TPCN1: variants seen among roughly 807,000 people sequenced by gnomAD.
TPCN1 encodes two pore segment channel 1.
TPCN1 carries 52 observed loss-of-function variants against 108.8 expected under a neutral mutation model. That is an observed-to-expected ratio of 0.48 (90% CI 0.38 to 0.60). The LOEUF is 0.60. Among genes scored for constraint, TPCN1 ranks in the 20% least tolerant of loss-of-function variants. The pLI is 0.00. For synonymous variants in TPCN1, 446 were observed against 433.7 expected, an observed-to-expected ratio of 1.03 and a Z score of -0.35; for missense variants, 806 against 1,072.8, an observed-to-expected ratio of 0.75 and a Z score of 3.47.
rs950471784 is a variant in TPCN1, at chr12:113,272,723, CT to C, written c.783+35del. ...TAATCAGCACATTTGTCCGTCTCTT[CT>C]TTTATGGAGGGCTTTTCCCTCAGAC... On this transcript the variant is annotated intron_variant, in intron 8 of 27. Transcript: ENST00000335509. The surrounding 1 kb of genome is among the most constrained non-coding windows in gnomAD (Gnocchi z 4.1). 5.0e-6 allele frequency: 8 copies of C among 1,608,424 alleles called. No individual in the cohort carries two copies. In the African/African-American group the frequency reaches 1.1e-4, roughly 21 times the overall value.
chr12:113,296,108 A>G lies in TPCN1; in HGVS notation c.*32A>G, dbSNP rs751143678. ...GCCCGAAAGCCGTCTCTTCTATGCA[A>G]TAACACAATAGTATTACTCTACTGC... On this transcript the variant is annotated 3_prime_UTR_variant, in exon 28 of 28. Transcript: ENST00000335509. The G allele has an allele frequency of 8.7e-6, 14 of 1,608,936 alleles. No homozygotes were observed. The highest frequency in any genetic ancestry group is 2.7e-5 in the African/African-American group (2 of 74,992).
At position 113,231,054 on chromosome 12, in the gene TPCN1, T is replaced by C. The variant is rs986112741; in HGVS notation, c.112+4090T>C. On this transcript the variant is annotated intron_variant, in intron 2 of 27. Transcript: ENST00000335509. This position sits in a 1 kb window ranked among gnomAD's most constrained non-coding sequence, Gnocchi z 4.3. ...GTTGGCAGAATGCAGATGCAGGCCA[T>C]CCGCGGAGTTGGCAACGACATGAGC... is the stretch of plus-strand genomic sequence containing the variant. Among the ~76,000 whole-genome samples, 1 of 152,192 alleles carries C rather than the reference T, an allele frequency of 6.6e-6. No homozygotes were observed. Among genetic ancestry groups the C allele is most frequent in the Non-Finnish European group, 1.5e-5 (1 of 68,030 alleles).
At chr12:113,252,590 C>G (rs1954683535) in intron 2 of TPCN1, among the ~76,000 whole-genome samples, 4 of 152,348 alleles carry the variant, frequency 2.6e-5, no homozygotes, top group African/African-American at 9.6e-5. Context: ...CAGCTGCCTG[C>G]TCCGCTCCAT....
intron 26 of TPCN1, 96 bp downstream of exon 26, chr12:113,293,169 A>C: frequency 1.2e-6 from 2 of 1,603,194 alleles, no homozygotes; most frequent in Admixed American, 3.4e-5. Flanking sequence ...TTTGAGTGAC[A>C]CAGTTGCAAA....
chr12:113,267,679 G>A (rs988102799), intron 4 of TPCN1, among the ~76,000 whole-genome samples, 164 bp from the exon 5 acceptor site: 4 of 152,114 alleles, frequency 2.6e-5, no homozygotes, highest in African/African-American at 7.2e-5. Flanking sequence ...GGAAAGCTCC[G>A]TGACCAAGGC....
intron 2 of TPCN1, among the ~76,000 whole-genome samples, chr12:113,252,575 G>A (rs1389147118): frequency 1.3e-5 from 2 of 152,222 alleles, no homozygotes; most frequent in Non-Finnish European, 2.9e-5. Flanking sequence ...ATCTGTGCCA[G>A]CTAGCAGCTG....
In TPCN1 at chr12:113,266,144, C is replaced by T. The variant is rs1008419368; in HGVS notation, c.238-36C>T. ...TCCTCTTTGGCGTTGGATGGGTCTC[C>T]AGGCTTACATGCCCACACTACTCTC... On this transcript the variant is annotated intron_variant, in intron 3 of 27. Transcript: ENST00000335509. This position sits in a 1 kb window ranked among gnomAD's most constrained non-coding sequence, Gnocchi z 4.2. 3.1e-6 allele frequency: 5 copies of T among 1,609,540 alleles called. No homozygotes were observed. The highest frequency in any genetic ancestry group is 1.7e-6 in the Non-Finnish European group (2 of 1,177,154).
chr12:113,280,115 T>A lies in TPCN1; in HGVS notation c.1298-36T>A, dbSNP rs751488782. 4.5e-6 allele frequency: 7 copies of A among 1,544,828 alleles called. No homozygotes were observed. In the Admixed American group the frequency reaches 1.2e-4, roughly 26 times the overall value. On this transcript the variant is annotated intron_variant, in intron 14 of 27. Coordinates refer to ENST00000335509, the MANE Select transcript of TPCN1 (RefSeq NM_017901.6). ...GGATACAGTAGGGGGAACAAGTGCG[T>A]AAATTTACATTTTAACTTGTCTTTT...
chr12:113,267,093 G>C (rs528600535), intron 4 of TPCN1, among the ~76,000 whole-genome samples: 1 of 152,040 alleles, frequency 6.6e-6, no homozygotes, highest in Non-Finnish European at 1.5e-5. Context: ...ATGTCCACAG[G>C]CCCTGGACCT....
At chr12:113,246,666 C>T (rs546953081) in intron 2 of TPCN1, among the ~76,000 whole-genome samples, 5 of 152,366 alleles carry the variant, frequency 3.3e-5, no homozygotes, top group African/African-American at 4.8e-5. Flanking sequence ...GGGCCAGCTT[C>T]CTGACAGCCC....
Position 113,289,687 on chromosome 12 carries a change from G to A in TPCN1, c.1797-441G>A, listed in dbSNP as rs1285674849. On this transcript the variant is annotated intron_variant, in intron 21 of 27. Transcript: ENST00000335509. The surrounding 1 kb of genome is among the most constrained non-coding windows in gnomAD (Gnocchi z 4.1). ...GCAAATAAGAGCTCCTCAAAACAGG[G>A]CCAACCTTTTCAAATACTTGCTCAG... Among the ~76,000 whole-genome samples the A allele has an allele frequency of 6.6e-6, 1 of 152,238 alleles. No individual in the cohort carries two copies. Among genetic ancestry groups the A allele is most frequent in the Non-Finnish European group, 1.5e-5 (1 of 68,054 alleles).
chr12:113,256,338 G>T (rs920915395), intron 2 of TPCN1, among the ~76,000 whole-genome samples: 1 of 151,488 alleles, frequency 6.6e-6, no homozygotes, highest in Admixed American at 6.6e-5. Flanking sequence ...CCCAGGCTGG[G>T]TATGCATGTA....
At chr12:113,291,816 C>T (rs561533410) in intron 24 of TPCN1, 58 bp from the exon 25 acceptor site, 25 of 1,564,602 alleles carry the variant, frequency 1.6e-5, no homozygotes, top group East Asian at 1.3e-4. Flanking sequence ...TGCGCAGCCA[C>T]GGACACCTAC....
In TPCN1 at chr12:113,286,045, C is replaced by G. The variant is rs570254333; in HGVS notation, c.1526+84C>G. 4.0e-6 allele frequency: 5 copies of G among 1,258,006 alleles called. No homozygotes were observed. The African/African-American group carries it at 7.3e-5, about 18-fold the overall frequency. 77.9% of individuals were successfully genotyped at this position (1,258,006 alleles called of 1,614,324 possible). ...CTTCTCTGCACACCCTGATCCCGGG[C>G]CATTTCTGGAATCGCAGAGGGAGGG... On this transcript the variant is annotated intron_variant, in intron 18 of 27. Transcript: ENST00000335509.
chr12:113,278,413 C>T (rs1955746918), intron 13 of TPCN1, among the ~76,000 whole-genome samples, 176 bp downstream of exon 13: 1 of 152,144 alleles, frequency 6.6e-6, no homozygotes. Flanking sequence ...TCTGCCCTTA[C>T]ATTTGTGATA....
Position 113,231,841 on chromosome 12 carries a change from A to G in TPCN1, c.112+4877A>G, listed in dbSNP as rs915688696. Among the ~76,000 whole-genome samples the G allele has an allele frequency of 2.0e-5, 3 of 152,190 alleles. No homozygotes were observed. The highest frequency in any genetic ancestry group is 4.4e-5 in the Non-Finnish European group (3 of 68,034). ...ATTTAAAGCCTGGAAACTAGGAATA[A>G]CCTTGAAAACAGTCAGCGGGGCCAC... On this transcript the variant is annotated intron_variant, in intron 2 of 27. Transcript: ENST00000335509. The surrounding 1 kb of genome is among the most constrained non-coding windows in gnomAD (Gnocchi z 4.3).
intron 2 of TPCN1, among the ~76,000 whole-genome samples, chr12:113,251,428 G>A (rs1035386106): frequency 6.6e-6 from 1 of 152,210 alleles, no homozygotes; most frequent in Non-Finnish European, 1.5e-5. Flanking sequence ...TTATTACAAA[G>A]CCCTTTCAGA....
At chr12:113,261,287 C>G (rs1955020423) in intron 3 of TPCN1, among the ~76,000 whole-genome samples, 1 of 151,328 alleles carries the variant, frequency 6.6e-6, no homozygotes, top group Admixed American at 6.6e-5. Context: ...CTAAGGCAGT[C>G]ACTGTCAACA....
At position 113,258,506 on chromosome 12, in the gene TPCN1, G is replaced by C. The variant is rs1024603753; in HGVS notation, c.113-1862G>C. On this transcript the variant is annotated intron_variant, in intron 2 of 27. Transcript: ENST00000335509. ...GAAAAAACAAGGGTGGAGTGGCTGG[G>C]CACAGTGGCCCACACCTGTAATCTC... Among the ~76,000 whole-genome samples, 4 of 151,982 alleles carry C rather than the reference G, an allele frequency of 2.6e-5. No individual in the cohort carries two copies. In the East Asian group the frequency reaches 7.7e-4, roughly 29 times the overall value.
Sources: allele counts gnomAD v4.1 joint callset (sites outside exome capture counted in the v4.1 genomes callset), GRCh38; gene constraint gnomAD v4.1.1; non-coding constraint Gnocchi (gnomAD v3.1); transcripts MANE v1.5; gene names NCBI Gene and HGNC (gene_info 2026-07-23, HGNC 2026-07-21).